SLA: variants seen among roughly 807,000 people sequenced by gnomAD.
SLA encodes src-like-adapter.
A neutral mutation model predicts 30.3 loss-of-function variants in SLA; 16 were observed. The observed-to-expected ratio is 0.53, with a 90% CI of 0.36 to 0.80. The LOEUF is 0.80. Ranked by LOEUF, SLA falls within the 30% of genes least tolerant of loss-of-function variation. SLA has a pLI of 0.01. For missense variants in SLA, 310 were observed against 345.2 expected, an observed-to-expected ratio of 0.90 and a Z score of 0.81; for synonymous variants, 143 against 137.8, an observed-to-expected ratio of 1.04 and a Z score of -0.26.
At chr8:133,050,973 T>A in intron 3 of SLA, 58 bp from the exon 4 acceptor site, 2 of 979,468 alleles carry the variant, frequency 2.0e-6, no homozygotes, top group Non-Finnish European at 3.3e-6. Flanking sequence ...ACAAGGAGCT[T>A]AAAGGTAGGC....
chr8:133,085,484 T>C (rs911046585), intron 1 of SLA, among the ~76,000 whole-genome samples: 2 of 152,070 alleles, frequency 1.3e-5, no homozygotes, highest in East Asian at 3.8e-4. Flanking sequence ...CAAGAAAACA[T>C]AAAGAACACT....
intron 2 of SLA, among the ~76,000 whole-genome samples, chr8:133,073,915 C>T (rs1844466559): frequency 6.6e-6 from 1 of 152,120 alleles, no homozygotes. Flanking sequence ...TAGGATTGTT[C>T]TGAGGATTGC....
intron 6 of SLA, 107 bp from the exon 7 acceptor site, chr8:133,045,222 G>T: frequency 8.7e-7 from 1 of 1,155,250 alleles, no homozygotes; most frequent in Non-Finnish European, 1.3e-6. Context: ...CCACCCTTGG[G>T]ATACAACAGT....
chr8:133,091,668 G>A (rs796675917), intron 1 of SLA, among the ~76,000 whole-genome samples: 13 of 152,118 alleles, frequency 8.5e-5, no homozygotes, highest in East Asian at 1.9e-4. Flanking sequence ...ATGACTGTGC[G>A]TGTGTGTCTC....
At chr8:133,055,287 G>C (rs2702969) in intron 3 of SLA, among the ~76,000 whole-genome samples, 113,489 of 151,322 alleles carry the variant, frequency 0.75, 43,510 homozygotes, top group African/African-American at 0.89. Context: ...TGGAGTCATG[G>C]CTAAACTCAT....
chr8:133,052,650 G>A lies in SLA; in HGVS notation c.62-1735C>T, dbSNP rs138802747. Among the ~76,000 whole-genome samples, 594 of 152,346 alleles carry A rather than the reference G, an allele frequency of 3.9e-3. 4 individuals are homozygous for A. The highest frequency in any genetic ancestry group is 0.013 in the African/African-American group (555 of 41,582). ...AGTTGTGTTAAGTTTGAAGCCAGAA[G>A]TCCCAAGTTCTCACAAAGGGCAGGT... On this transcript the variant is annotated intron_variant, in intron 3 of 8. Coordinates refer to ENST00000338087, the MANE Select transcript of SLA (RefSeq NM_001045556.3).
At chr8:133,053,952 T>C (rs1308107852) in intron 3 of SLA, among the ~76,000 whole-genome samples, 1 of 152,186 alleles carries the variant, frequency 6.6e-6, no homozygotes, top group Non-Finnish European at 1.5e-5. Flanking sequence ...ATTTCACCTC[T>C]CTTTATCATC....
chr8:133,102,544 G>A lies in SLA; in HGVS notation c.-319+9C>T. The A allele has an allele frequency of 1.9e-6, 3 of 1,551,616 alleles. No individual in the cohort carries two copies. ...GGGGGTCCCAATGACAGCAAAGTTAGCAACCTACCGGTGGAGCATCAGGGC... is the reference window on the plus strand; with the variant it reads ...GGGGGTCCCAATGACAGCAAAGTTAACAACCTACCGGTGGAGCATCAGGGC... On this transcript the variant is annotated intron_variant, in intron 1 of 8. Coordinates refer to ENST00000338087, the MANE Select transcript of SLA (RefSeq NM_001045556.3).
chr8:133,087,614 TTAAA>T (rs1846797152), intron 1 of SLA: 1 of 152,256 alleles, frequency 6.6e-6, no homozygotes, highest in Admixed American at 6.5e-5. Flanking sequence ...TAAATGTAAT[TTAAA>T]TTTTTTCTAA....
At chr8:133,059,275 C>G in intron 3 of SLA, 1 of 375,614 alleles carries the variant, frequency 2.7e-6, no homozygotes, top group Non-Finnish European at 5.3e-6. Context: ...CCCTGGCTTC[C>G]CTAACCGTCC....
Position 133,045,145 on chromosome 8 carries a change from C to A in SLA, c.353-30G>T, listed in dbSNP as rs1302699413. The A allele has an allele frequency of 2.5e-6, 4 of 1,612,580 alleles. No homozygotes were observed. In the Admixed American group the frequency reaches 6.7e-5, roughly 27 times the overall value. ...AGGAGGTGGAGGATAAGTCAGTGGG[C>A]TCCACCTGTCCTCACCCCAAGGCAC... On this transcript the variant is annotated intron_variant, in intron 6 of 8. Coordinates refer to ENST00000338087, the MANE Select transcript of SLA (RefSeq NM_001045556.3).
intron 1 of SLA, among the ~76,000 whole-genome samples, chr8:133,093,592 C>T (rs1053316663): frequency 1.3e-5 from 2 of 152,166 alleles, no homozygotes; most frequent in African/African-American, 2.4e-5. Context: ...GGTCTCACAG[C>T]GGCCGTGTCC....
At chr8:133,046,071 G>A (rs552185833) in intron 6 of SLA, among the ~76,000 whole-genome samples, 1 of 152,344 alleles carries the variant, frequency 6.6e-6, no homozygotes, top group South Asian at 2.1e-4. Flanking sequence ...GACCTGATAT[G>A]GGTTGGTAAG....
chr8:133,086,423 A>C (rs1846569117), intron 1 of SLA, among the ~76,000 whole-genome samples: 1 of 152,252 alleles, frequency 6.6e-6, no homozygotes, highest in African/African-American at 2.4e-5. Flanking sequence ...GAAATACTGG[A>C]TAAATGTTTA....
chr8:133,074,073 T>C (rs572038238), intron 2 of SLA, among the ~76,000 whole-genome samples: 2 of 152,306 alleles, frequency 1.3e-5, no homozygotes, highest in South Asian at 4.1e-4. Flanking sequence ...TCTCCATATG[T>C]AGACACCTAA....
intron 4 of SLA, 43 bp downstream of exon 4, chr8:133,050,773 A>T: frequency 1.6e-6 from 2 of 1,270,956 alleles, no homozygotes; most frequent in East Asian, 2.3e-5. Flanking sequence ...AACCAAGTTT[A>T]TCCTGCTTTG....
At chr8:133,082,520 G>T (rs534533084) in intron 1 of SLA, among the ~76,000 whole-genome samples, 11 of 152,208 alleles carry the variant, frequency 7.2e-5, no homozygotes, top group Non-Finnish European at 1.6e-4. Flanking sequence ...CCTGATAATC[G>T]ACTAGCTTGC....
At position 133,043,136 on chromosome 8, in the gene SLA, T is replaced by C. The variant is rs374943223; in HGVS notation, c.484+1848A>G. ...GAGGTGAACAGATGACTGTAATCCA[T>C]TGAGTGGTTCGATGACCAGGAACAT... On this transcript the variant is annotated intron_variant, in intron 7 of 8. Transcript: ENST00000338087. Among the ~76,000 whole-genome samples the C allele has an allele frequency of 2.5e-4, 38 of 152,264 alleles. No individual in the cohort carries two copies. In the East Asian group the frequency reaches 6.0e-3, roughly 24 times the overall value.
intron 1 of SLA, among the ~76,000 whole-genome samples, chr8:133,085,722 G>A (rs1199197666): frequency 2.0e-5 from 3 of 152,170 alleles, no homozygotes; most frequent in Non-Finnish European, 4.4e-5. Flanking sequence ...CAGATTGTAA[G>A]CATTACTGAA....
Sources: allele counts gnomAD v4.1 joint callset (sites outside exome capture counted in the v4.1 genomes callset), GRCh38; gene constraint gnomAD v4.1.1; transcripts MANE v1.5; gene names NCBI Gene and HGNC (gene_info 2026-07-23, HGNC 2026-07-21).